Variants in ARHGAP45 observed in about 807,000 individuals in gnomAD.
The protein encoded by ARHGAP45 is rho GTPase-activating protein 45.
A neutral mutation model predicts 116.1 loss-of-function variants in ARHGAP45; 56 were observed. That is an observed-to-expected ratio of 0.48 (90% CI 0.39 to 0.60). ARHGAP45 has a LOEUF of 0.60. ARHGAP45 is among the 20% of genes least tolerant of loss of function. The pLI is 0.00. For synonymous variants in ARHGAP45, 866 were observed against 701.7 expected, an observed-to-expected ratio of 1.23 and a Z score of -3.70; for missense variants, 1,622 against 1,601.0, an observed-to-expected ratio of 1.01 and a Z score of -0.22.
rs571895313 is a variant in ARHGAP45 at position 1,068,657 on chromosome 19, G to T, written c.334G>T (p.Val112Phe). 7 of 1,612,616 alleles carry T rather than the reference G, an allele frequency of 4.3e-6. No individual in the cohort carries two copies. The highest frequency in any genetic ancestry group is 5.9e-6 in the Non-Finnish European group (7 of 1,179,986). Reference sequence around the variant, plus strand: ...GCCCACCGAGGGTGCCGGCCCGGACGTCGTCGAGGACATCTCCCATCTGCT... The same window carrying T: ...GCCCACCGAGGGTGCCGGCCCGGACTTCGTCGAGGACATCTCCCATCTGCT... ...ELPTEGAGPD[V>F]VEDISHLLAD... The change falls in exon 2 of 23, where the codon GTC becomes TTC. Residue 112 changes from valine (V) to phenylalanine (F), a missense_variant. Transcript: ENST00000313093. This position sits in a 1 kb window ranked among gnomAD's most constrained non-coding sequence, Gnocchi z 7.5.
Position 1,068,791 on chromosome 19 carries a change from A to G in ARHGAP45, c.421+47A>G. ...AGGCCTGGGTGGAAGACAGAGCCAG[A>G]CCCAAGGGAGGATGGAGGGAGGGAC... is the stretch of plus-strand genomic sequence containing the variant. On this transcript the variant is annotated intron_variant, in intron 2 of 22. Coordinates refer to ENST00000313093, the MANE Select transcript of ARHGAP45 (RefSeq NM_012292.5). This position sits in a 1 kb window ranked among gnomAD's most constrained non-coding sequence, Gnocchi z 7.5. 2 of 1,564,758 alleles carry G rather than the reference A, an allele frequency of 1.3e-6. No individual in the cohort carries two copies. The highest frequency in any genetic ancestry group is 1.8e-6 in the Non-Finnish European group (2 of 1,141,318).
chr19:1,080,810 G>A, intron 16 of ARHGAP45, 24 bp downstream of exon 16: 1 of 1,611,780 alleles, frequency 6.2e-7, no homozygotes, highest in Non-Finnish European at 8.5e-7. Flanking sequence ...GACGGGGCTG[G>A]AGAGAGAGGG....
chr19:1,072,998 C>T (rs10403622), intron 2 of ARHGAP45, 151 bp from the exon 3 acceptor site: 45,391 of 909,958 alleles, frequency 0.05, 1,761 homozygotes, highest in East Asian at 0.17. Flanking sequence ...GCCCTCCCCG[C>T]GGTCTCGAAA....
rs1477657446 is a variant in ARHGAP45 at position 1,085,946 on chromosome 19, G to T, written c.3351G>T (p.Arg1117Ser). 6.2e-7 allele frequency: 1 copy of T among 1,612,818 alleles called. No homozygotes were observed. Among genetic ancestry groups the T allele is most frequent in the African/African-American group, 1.3e-5 (1 of 74,886 alleles). Residue 1117 changes from arginine (R) to serine (S), a missense_variant, in exon 23 of 23, where the codon AGG becomes AGT. Physicochemically the swap from Arg to Ser is moderately radical, Grantham distance 110 (BLOSUM62 -1). This residue lies in a region of ARHGAP45 where 1,334 missense variants were observed against 1,263.8 expected (regional missense o/e 1.06). Coordinates refer to ENST00000313093, the MANE Select transcript of ARHGAP45 (RefSeq NM_012292.5). ...TGCAGGCCCCACTGCCCCCCATGAG[G>T]CTCCGTGGCGGGCGGATGACACTGG... ...NVLQAPLPPM[R>S]LRGGRMTLGS...
upstream of ARHGAP45, among the ~76,000 whole-genome samples, chr19:1,066,937 G>C (rs77131765): frequency 0.049 from 7,383 of 152,190 alleles, 251 homozygotes; most frequent in East Asian, 0.18. Context: ...GCGTCTGAGC[G>C]CGTGTGGAGG....
intron 22 of ARHGAP45, 138 bp from the exon 23 acceptor site, chr19:1,085,513 ATCTCTCCTG>A (rs1485437719): frequency 2.8e-5 from 17 of 600,394 alleles, no homozygotes; most frequent in Admixed American, 9.5e-5. Context: ...TCTCTCCTCC[ATCTCTCCTG>A]TCTCTCCCCA....
chr19:1,077,789 G>A (rs767883643), intron 10 of ARHGAP45, 68 bp from the exon 11 acceptor site: 5 of 1,549,352 alleles, frequency 3.2e-6, no homozygotes, highest in Non-Finnish European at 4.4e-6. Flanking sequence ...AGGAAAGGAG[G>A]AGCTGGGGAG....
At chr19:1,075,181 G>C (rs2040678197) in intron 10 of ARHGAP45, among the ~76,000 whole-genome samples, 1 of 152,028 alleles carries the variant, frequency 6.6e-6, no homozygotes, top group Non-Finnish European at 1.5e-5. Flanking sequence ...TCTCCGGGTT[G>C]AGGGAGACTG....
In ARHGAP45 at chr19:1,073,585, T is replaced by C. The variant is rs142231268; in HGVS notation, c.645T>C (p.Ser215=). Reference sequence around the variant, plus strand: ...TGGAGACGATTGCTGTGGCCTTCAGTAGCACGTGAGCACGGGAGCCTGTGG... The same window carrying C: ...TGGAGACGATTGCTGTGGCCTTCAGCAGCACGTGAGCACGGGAGCCTGTGG... ...KALETIAVAF[S]STVSEFLMGE... is the part of the protein sequence containing the mutation. The change falls in exon 4 of 23, where the codon AGT becomes AGC. Residue 215 remains serine, a synonymous_variant. Coordinates refer to ENST00000313093, the MANE Select transcript of ARHGAP45 (RefSeq NM_012292.5). 5.1e-5 allele frequency: 83 copies of C among 1,613,640 alleles called. No homozygotes were observed. In the African/African-American group the frequency reaches 1.1e-3, roughly 21 times the overall value.
chr19:1,084,275 A>C lies in ARHGAP45; in HGVS notation c.2993A>C (p.Gln998Pro). 2 of 1,613,444 alleles carry C rather than the reference A, an allele frequency of 1.2e-6. No individual in the cohort carries two copies. Among genetic ancestry groups the C allele is most frequent in the Non-Finnish European group, 1.7e-6 (2 of 1,179,830 alleles). ...AACCAGCGAGCTGAGGTAGTCGTCC[A>C]GGTGCCGTACCTGGAGGCGGGCGAG... ...SSNQRAEVVV[Q>P]VPYLEAGEAV... Residue 998 changes from glutamine to proline, a missense_variant, in exon 22 of 23, where the codon CAG becomes CCG. Gln to Pro is a moderately conservative substitution (Grantham distance 76). Transcript: ENST00000313093.
At chr19:1,078,341 C>A (rs1025121014) in intron 11 of ARHGAP45, among the ~76,000 whole-genome samples, 17 of 152,012 alleles carry the variant, frequency 1.1e-4, no homozygotes, top group Non-Finnish European at 2.1e-4. Context: ...GACGGGGTTT[C>A]ACTGTGTTAG....
intron 11 of ARHGAP45, among the ~76,000 whole-genome samples, chr19:1,078,450 T>G (rs1485456151): frequency 1.4e-5 from 2 of 141,530 alleles, no homozygotes; most frequent in Admixed American, 7.0e-5. Flanking sequence ...GCCAATTTGT[T>G]TTTTGGAGAC....
rs567421506 is a variant in ARHGAP45, at chr19:1,086,082, G to A, written c.*76G>A. The stretch of plus-strand genomic sequence containing the variant: ...CCCTCCAGCACGTCCCCTGCACCAC[G>A]GCATAGCTTAGGTGCGCCGTCCTGG... On this transcript the variant is annotated 3_prime_UTR_variant, in exon 23 of 23. Transcript: ENST00000313093. The A allele has an allele frequency of 6.0e-5, 80 of 1,336,244 alleles. No homozygotes were observed. The highest frequency in any genetic ancestry group is 2.5e-4 in the East Asian group (11 of 43,208). The allele number at this position is 1,336,244 out of a possible 1,614,324, so 82.8% of individuals were successfully genotyped here. A position where few individuals can be genotyped will look rare whatever the true frequency, so the allele number is the denominator to read the frequency against.
chr19:1,085,141 T>G (rs190539638), intron 22 of ARHGAP45, among the ~76,000 whole-genome samples: 1 of 152,238 alleles, frequency 6.6e-6, no homozygotes, highest in Non-Finnish European at 1.5e-5. Context: ...GGAGTTACAG[T>G]TCCATGTAGC....
At chr19:1,085,236 T>C (rs2043571881) in intron 22 of ARHGAP45, among the ~76,000 whole-genome samples, 1 of 152,150 alleles carries the variant, frequency 6.6e-6, no homozygotes, top group Non-Finnish European at 1.5e-5. Flanking sequence ...GGAGAGCTTG[T>C]GTCCGGAAAC....
chr19:1,067,651 C>A (rs1414927944), intron 1 of ARHGAP45, 156 bp downstream of exon 1: 4 of 764,044 alleles, frequency 5.2e-6, no homozygotes, highest in Non-Finnish European at 9.1e-6. Context: ...GCAGAGAGGC[C>A]GGGACCCCGG....
chr19:1,067,383 G>C lies in ARHGAP45; in HGVS notation c.-23G>C. On this transcript the variant is annotated 5_prime_UTR_variant, in exon 1 of 23. Transcript: ENST00000313093. ...GCTGAGACCCCCAGCCCGCCCCCTCGGGCTCCCGGCCGGGGCCCCATCATG... is the reference window on the plus strand; with the variant it reads ...GCTGAGACCCCCAGCCCGCCCCCTCCGGCTCCCGGCCGGGGCCCCATCATG... 2.6e-6 allele frequency: 4 copies of C among 1,533,488 alleles called. No homozygotes were observed. Among genetic ancestry groups the C allele is most frequent in the Non-Finnish European group, 3.5e-6 (4 of 1,143,522 alleles). The allele number at this position is 1,533,488 out of a possible 1,614,324, so 95.0% of individuals were successfully genotyped here.
chr19:1,066,236 A>C, upstream of ARHGAP45: 2 of 1,153,660 alleles, frequency 1.7e-6, no homozygotes, highest in Non-Finnish European at 2.3e-6. Flanking sequence ...CTGGAAGGGG[A>C]CAGCAGGGAG....
At position 1,071,035 on chromosome 19, in the gene ARHGAP45, C is replaced by T. The variant is rs922182477; in HGVS notation, c.422-2114C>T. On this transcript the variant is annotated intron_variant, in intron 2 of 22. Coordinates refer to ENST00000313093, the MANE Select transcript of ARHGAP45 (RefSeq NM_012292.5). This position sits in a 1 kb window ranked among gnomAD's most constrained non-coding sequence, Gnocchi z 4.6. The stretch of plus-strand genomic sequence containing the variant: ...ACCCACATGGACGGTGCCACCCCGA[C>T]ACTTCCCGGGCTTCCTCGTTCCCGG... Among the ~76,000 whole-genome samples, 14 of 152,236 alleles carry T rather than the reference C, an allele frequency of 9.2e-5. No individual in the cohort carries two copies. The highest frequency in any genetic ancestry group is 3.1e-4 in the African/African-American group (13 of 41,468).
Sources: gnomAD v4.1 joint callset for allele counts (sites outside exome capture counted in the v4.1 genomes callset) on GRCh38, gnomAD v4.1.1 for gene constraint, gnomAD v4.1.1 regional missense constraint, Gnocchi (gnomAD v3.1) non-coding constraint, MANE v1.5 for transcripts, NCBI Gene and HGNC (gene_info 2026-07-23, HGNC 2026-07-21) for gene names.